The following RARB variants were observed in gnomAD, a reference collection of about 807,000 sequenced individuals.
RARB encodes the protein retinoic acid receptor beta.
A neutral mutation model predicts 51.9 loss-of-function variants in RARB; 17 were observed. The observed-to-expected ratio is 0.33, with a 90% CI of 0.22 to 0.49. The LOEUF (loss-of-function observed/expected upper bound fraction) is 0.49, where lower values mean the gene tolerates loss of function less well. RARB is among the 20% of genes least tolerant of loss of function. The probability of loss-of-function intolerance (pLI) is 0.99; values close to 1 mark genes in which losing one functional copy is unlikely to be tolerated. For synonymous variants in RARB, 215 were observed against 195.4 expected, an observed-to-expected ratio of 1.10 and a Z score of -0.84; for missense variants, 369 against 550.8, an observed-to-expected ratio of 0.67 and a Z score of 3.30.
At chr3:25,387,381 T>C (rs746525058) in intron 5 of RARB, among the ~76,000 whole-genome samples, 9 of 152,180 alleles carry the variant, frequency 5.9e-5, no homozygotes, top group Non-Finnish European at 8.8e-5. Flanking sequence ...ATCACCCTCT[T>C]TCCTACAGCA....
At chr3:25,353,268 G>A (rs1269217992) in intron 5 of RARB, among the ~76,000 whole-genome samples, 1 of 152,144 alleles carries the variant, frequency 6.6e-6, no homozygotes, top group African/African-American at 2.4e-5. Flanking sequence ...TCACAGTACT[G>A]TAGTGGCACT....
intron 5 of RARB, among the ~76,000 whole-genome samples, chr3:25,217,643 C>G (rs1199869401): frequency 6.6e-6 from 1 of 152,126 alleles, no homozygotes; most frequent in Non-Finnish European, 1.5e-5. Flanking sequence ...CCTTTTGTCT[C>G]CCCCTGAACC....
At chr3:25,152,032 G>A (rs1488514972) in intron 4 of RARB, among the ~76,000 whole-genome samples, 2 of 152,004 alleles carry the variant, frequency 1.3e-5, no homozygotes, top group African/African-American at 4.8e-5. Context: ...AATGTTTTAA[G>A]TACTTAAAAA....
At chr3:25,085,935 T>C (rs1699096370) in intron 3 of RARB, among the ~76,000 whole-genome samples, 1 of 152,200 alleles carries the variant, frequency 6.6e-6, no homozygotes, top group South Asian at 2.1e-4. Context: ...TTCTTGTTTA[T>C]GTAACAACCT....
chr3:24,918,561 T>C (rs1405729598), intron 2 of RARB, among the ~76,000 whole-genome samples: 4 of 152,204 alleles, frequency 2.6e-5, no homozygotes, highest in African/African-American at 9.6e-5. Context: ...GTTAATAACA[T>C]CTCAAAGCTG....
At chr3:25,385,478 AG>A (rs1706765723) in intron 5 of RARB, among the ~76,000 whole-genome samples, 1 of 152,130 alleles carries the variant, frequency 6.6e-6, no homozygotes, top group Admixed American at 6.5e-5. Flanking sequence ...GACAAGACAC[AG>A]ACAATGAAAA....
At chr3:25,202,563 C>T (rs559717189) in intron 5 of RARB, among the ~76,000 whole-genome samples, 636 of 152,126 alleles carry the variant, frequency 4.2e-3, no homozygotes, top group African/African-American at 0.012. Flanking sequence ...CTTTGTCTTG[C>T]GGGCATTTAG....
At chr3:25,146,704 A>G (rs1447791564) in intron 4 of RARB, among the ~76,000 whole-genome samples, 1 of 151,298 alleles carries the variant, frequency 6.6e-6, no homozygotes, top group Non-Finnish European at 1.5e-5. Context: ...ATTTTTTAGT[A>G]GAGACGGGGT....
At chr3:25,452,615 C>T (rs1233428023) in intron 1 of RARB, among the ~76,000 whole-genome samples, 2 of 151,990 alleles carry the variant, frequency 1.3e-5, no homozygotes, top group East Asian at 1.9e-4. Context: ...CTGTGACCTT[C>T]CCAGACTAGG....
chr3:25,534,184 C>T (rs1286665), intron 3 of RARB, among the ~76,000 whole-genome samples: 60,094 of 152,016 alleles, frequency 0.4, 13,889 homozygotes, highest in African/African-American at 0.66. Context: ...TCCATGTTAG[C>T]TGAAAACCCA....
intron 4 of RARB, among the ~76,000 whole-genome samples, chr3:25,573,697 T>C (rs1700804959): frequency 6.6e-6 from 1 of 152,174 alleles, no homozygotes; most frequent in Non-Finnish European, 1.5e-5. Context: ...TAAAAAGAGC[T>C]TTTTTTAGAC....
intron 2 of RARB, among the ~76,000 whole-genome samples, chr3:24,979,331 T>A (rs1229788623): frequency 2.0e-5 from 3 of 149,878 alleles, no homozygotes; most frequent in Non-Finnish European, 4.5e-5. Flanking sequence ...CTCACAGTTG[T>A]GTGTGTGTTA....
chr3:25,322,477 T>C (rs1190288470), intron 5 of RARB, among the ~76,000 whole-genome samples: 1 of 152,192 alleles, frequency 6.6e-6, no homozygotes, highest in Non-Finnish European at 1.5e-5. Context: ...GTACATTCAT[T>C]TATATATCAG....
intron 3 of RARB, among the ~76,000 whole-genome samples, chr3:25,119,708 G>C (rs1029686528): frequency 6.6e-6 from 1 of 151,106 alleles, no homozygotes; most frequent in African/African-American, 2.4e-5. Flanking sequence ...TCAATACTAA[G>C]GAAATTAACT....
At chr3:25,036,917 C>A (rs1698007454) in intron 2 of RARB, among the ~76,000 whole-genome samples, 1 of 152,130 alleles carries the variant, frequency 6.6e-6, no homozygotes, top group South Asian at 2.1e-4. Context: ...ACCTATGGTA[C>A]TTTCAAGGTC....
chr3:25,407,223 C>T (rs1707434351), intron 5 of RARB, among the ~76,000 whole-genome samples: 1 of 152,180 alleles, frequency 6.6e-6, no homozygotes. Flanking sequence ...TTCCTGATAG[C>T]TTCTGTAGAC....
intron 4 of RARB, among the ~76,000 whole-genome samples, chr3:25,574,986 G>C (rs1320485775): frequency 6.6e-6 from 1 of 152,118 alleles, no homozygotes; most frequent in Non-Finnish European, 1.5e-5. Flanking sequence ...TGTTAACTTA[G>C]TGAGCCTCAG....
intron 3 of RARB, among the ~76,000 whole-genome samples, chr3:25,071,217 G>GGAAT (rs1399503593): frequency 5.3e-5 from 8 of 152,166 alleles, no homozygotes; most frequent in Non-Finnish European, 1.2e-4. Context: ...AAATATTTAT[G>GGAAT]GAATGAATGA....
exon 4 of RARB, among the ~76,000 whole-genome samples, chr3:25,132,186 C>A (rs1699965155): frequency 6.6e-6 from 1 of 151,878 alleles, no homozygotes; most frequent in African/African-American, 2.4e-5. Context: ...TTCCTTCTTT[C>A]AACTTCTGCT....
Sources: allele counts gnomAD v4.1 joint callset (sites outside exome capture counted in the v4.1 genomes callset), GRCh38; gene constraint gnomAD v4.1.1; transcripts MANE v1.5; gene names NCBI Gene and HGNC (gene_info 2026-07-23, HGNC 2026-07-21).